VRK2: variants seen among roughly 807,000 people sequenced by gnomAD.
The protein encoded by VRK2 is serine/threonine-protein kinase VRK2.
In VRK2, 60 loss-of-function variants were observed where a neutral mutation model predicts 57.6. The observed-to-expected ratio is 1.04, with a 90% CI of 0.85 to 1.29. The LOEUF is 1.29. Ranked by LOEUF, VRK2 falls within the 50% of genes most tolerant of loss-of-function variation. VRK2 has a pLI of 0.00. For synonymous variants in VRK2, 231 were observed against 199.2 expected (o/e 1.16, Z -1.35); for missense variants, 705 against 588.1 (o/e 1.20, Z -2.06).
chr2:58,047,489 C>G (rs975056196), intron 1 of VRK2: 5 of 985,060 alleles, frequency 5.1e-6, no homozygotes, highest in Non-Finnish European at 3.6e-6. Context: ...CGTAGAGTCT[C>G]CCTTACCGCC....
chr2:57,948,259 A>G (rs1671321267), intron 1 of VRK2, among the ~76,000 whole-genome samples: 1 of 152,210 alleles, frequency 6.6e-6, no homozygotes, highest in African/African-American at 2.4e-5. Context: ...GCTTTTCACT[A>G]TATAGTACTT....
intron 1 of VRK2, among the ~76,000 whole-genome samples, chr2:57,968,660 C>T (rs536567579): frequency 5.1e-4 from 78 of 151,936 alleles, no homozygotes; most frequent in African/African-American, 1.6e-3. Flanking sequence ...TTTTCACACA[C>T]GGAAAAATAA....
intron 2 of VRK2, among the ~76,000 whole-genome samples, chr2:58,029,004 A>C (rs1674033455): frequency 6.8e-6 from 1 of 146,582 alleles, no homozygotes; most frequent in Admixed American, 6.9e-5. Context: ...AGATTCTTAA[A>C]ACTTCTGACA....
At chr2:58,153,460 A>G (rs1326332956) in intron 12 of VRK2, among the ~76,000 whole-genome samples, 1 of 152,048 alleles carries the variant, frequency 6.6e-6, no homozygotes, top group African/African-American at 2.4e-5. Context: ...TTCTGTATCA[A>G]TTAATATGAT....
At chr2:58,093,599 T>A (rs961329435) in intron 7 of VRK2, among the ~76,000 whole-genome samples, 1 of 152,234 alleles carries the variant, frequency 6.6e-6, no homozygotes, top group African/African-American at 2.4e-5. Flanking sequence ...GGAAATGTTC[T>A]CCCATTTTGT....
intron 11 of VRK2, among the ~76,000 whole-genome samples, chr2:58,144,198 A>C (rs1166529205): frequency 1.3e-5 from 2 of 151,858 alleles, no homozygotes; most frequent in Non-Finnish European, 2.9e-5. Flanking sequence ...AAAAATAATA[A>C]ACTTATGAAA....
chr2:57,961,168 A>AATG (rs1411751171), intron 1 of VRK2, among the ~76,000 whole-genome samples: 2 of 152,228 alleles, frequency 1.3e-5, no homozygotes, highest in African/African-American at 4.8e-5. Context: ...TAAGAATACA[A>AATG]AGAGCTGGAT....
chr2:58,114,562 C>T (rs556959057), intron 7 of VRK2, among the ~76,000 whole-genome samples: 3 of 142,786 alleles, frequency 2.1e-5, no homozygotes, highest in Admixed American at 7.0e-5. Flanking sequence ...TTCTGAGAAG[C>T]GAAAGTGGTA....
chr2:57,908,224 G>A (rs1558486734), intron 1 of VRK2, among the ~76,000 whole-genome samples: 1 of 152,152 alleles, frequency 6.6e-6, no homozygotes, highest in African/African-American at 2.4e-5. Flanking sequence ...GATTCTTCTA[G>A]TTTTCATTAG....
At chr2:58,070,387 T>G (rs1326629891) in intron 2 of VRK2, among the ~76,000 whole-genome samples, 1 of 152,132 alleles carries the variant, frequency 6.6e-6, no homozygotes, top group Non-Finnish European at 1.5e-5. Flanking sequence ...GGTATATGCA[T>G]AATATCATGT....
intron 2 of VRK2, among the ~76,000 whole-genome samples, chr2:58,054,104 C>T (rs1467335431): frequency 1.3e-5 from 2 of 151,908 alleles, no homozygotes; most frequent in East Asian, 1.9e-4. Flanking sequence ...ATAGCAGTAC[C>T]CAGTTATCTA....
At chr2:58,038,820 T>A (rs572481424) in intron 3 of VRK2, among the ~76,000 whole-genome samples, 1 of 152,248 alleles carries the variant, frequency 6.6e-6, no homozygotes, top group South Asian at 2.1e-4. Context: ...TAATCTGTCT[T>A]TTGTCAATTT....
intron 3 of VRK2, among the ~76,000 whole-genome samples, chr2:58,035,103 A>G (rs1674234049): frequency 6.6e-6 from 1 of 152,056 alleles, no homozygotes; most frequent in Non-Finnish European, 1.5e-5. Flanking sequence ...GATGTTTGAC[A>G]TGGGTACTCC....
intron 1 of VRK2, among the ~76,000 whole-genome samples, chr2:57,938,762 G>C (rs1238493401): frequency 6.6e-6 from 1 of 152,090 alleles, no homozygotes; most frequent in African/African-American, 2.4e-5. Flanking sequence ...GAGACAAGAT[G>C]AGAGATGTAT....
At chr2:57,938,635 T>C (rs781238881) in intron 1 of VRK2, among the ~76,000 whole-genome samples, 63 of 152,260 alleles carry the variant, frequency 4.1e-4, no homozygotes, top group Admixed American at 1.5e-3. Flanking sequence ...GCTTTCATTA[T>C]ACTTCTTTTA....
At chr2:58,021,256 T>C (rs960517931) in intron 1 of VRK2, among the ~76,000 whole-genome samples, 9 of 152,092 alleles carry the variant, frequency 5.9e-5, no homozygotes, top group African/African-American at 9.7e-5. Context: ...GATTTTTTTT[T>C]CCCTCCTTTC....
At chr2:57,997,670 A>G (rs1186028484) in intron 1 of VRK2, among the ~76,000 whole-genome samples, 1 of 152,154 alleles carries the variant, frequency 6.6e-6, no homozygotes, top group East Asian at 1.9e-4. Context: ...TGGGAAGCTG[A>G]AGTGGACAGA....
chr2:57,969,911 T>C (rs1053273562), intron 1 of VRK2, among the ~76,000 whole-genome samples: 76 of 152,118 alleles, frequency 5.0e-4, no homozygotes, highest in African/African-American at 1.6e-3. Flanking sequence ...AGCTTCGCTA[T>C]AAAAGAATTC....
chr2:57,974,358 T>C (rs532804137), intron 1 of VRK2, among the ~76,000 whole-genome samples: 147 of 152,016 alleles, frequency 9.7e-4, no homozygotes, highest in South Asian at 2.1e-3. Flanking sequence ...TATTGGTAAT[T>C]CTAAAACAAA....
Sources: gnomAD v4.1 joint callset for allele counts (sites outside exome capture counted in the v4.1 genomes callset) on GRCh38, gnomAD v4.1.1 for gene constraint, MANE v1.5 for transcripts, NCBI Gene and HGNC (gene_info 2026-07-23, HGNC 2026-07-21) for gene names.